CCNB1IP1: variants seen among roughly 807,000 people sequenced by gnomAD.
CCNB1IP1 encodes cyclin B1 interacting protein 1, also known as E3 ubiquitin-protein ligase CCNB1IP1.
Under a neutral mutation model 25.6 loss-of-function variants are expected in CCNB1IP1, and 14 were observed. The observed-to-expected ratio is 0.55, with a 90% CI of 0.36 to 0.85. The LOEUF is 0.85. Among genes scored for constraint, CCNB1IP1 ranks in the 40% least tolerant of loss-of-function variants. CCNB1IP1 has a pLI of 0.01. For synonymous variants in CCNB1IP1, 119 were observed against 116.1 expected (o/e 1.02, Z -0.16); for missense variants, 278 against 342.4 (o/e 0.81, Z 1.48).
At chr14:20,320,840 C>T (rs1322493097) in intron 4 of CCNB1IP1, among the ~76,000 whole-genome samples, 1 of 146,526 alleles carries the variant, frequency 6.8e-6, no homozygotes, top group East Asian at 2.0e-4. Flanking sequence ...ATATGAAATA[C>T]TTTCCATGAG....
In CCNB1IP1 at chr14:20,316,201, C is replaced by A. The variant is rs143875229; in HGVS notation, c.297+26G>T. On this transcript the variant is annotated intron_variant, in intron 5 of 6. Transcript: ENST00000358932. ...CCACAAATGCCATAAATCACATGCTCAAGAGAAACTAGACTAAGCACTAAC... is the reference window on the plus strand; with the variant it reads ...CCACAAATGCCATAAATCACATGCTAAAGAGAAACTAGACTAAGCACTAAC... The A allele has an allele frequency of 6.3e-6, 10 of 1,587,770 alleles. No homozygotes were observed. In the Admixed American group the frequency reaches 1.0e-4, roughly 16 times the overall value.
intron 4 of CCNB1IP1, among the ~76,000 whole-genome samples, chr14:20,320,641 A>T (rs943761918): frequency 3.3e-5 from 5 of 149,256 alleles, no homozygotes; most frequent in Non-Finnish European, 6.0e-5. Context: ...CCATCTCTAC[A>T]AAAAAACACA....
chr14:20,324,063 T>C (rs1288043493), intron 4 of CCNB1IP1, among the ~76,000 whole-genome samples: 1 of 152,090 alleles, frequency 6.6e-6, no homozygotes, highest in African/African-American at 2.4e-5. Context: ...CCAACAATTA[T>C]ATAAAGATAC....
At chr14:20,332,399 C>CG (rs2138883529) in intron 1 of CCNB1IP1, among the ~76,000 whole-genome samples, 1 of 151,962 alleles carries the variant, frequency 6.6e-6, no homozygotes, top group Admixed American at 6.6e-5. Flanking sequence ...GGTCACTAAG[C>CG]AAACTTTTTA....
rs1199049697 is a variant in CCNB1IP1 at position 20,316,444 on chromosome 14, G to A, written c.80C>T (p.Ala27Val). The change falls in exon 5 of 7, where the codon GCC becomes GTC. Residue 27 changes from alanine to valine, a missense_variant. Ala to Val is a moderately conservative substitution (Grantham distance 64, BLOSUM62 0). Coordinates refer to ENST00000358932, the MANE Select transcript of CCNB1IP1 (RefSeq NM_021178.5). The part of the protein sequence containing the change: ...IKLSGYAWVT[A>V]CSHIFCDQHG... ...CTGATCACAGAAGATGTGAGAGCAG[G>A]CAGTGACCCATGCATAGCCAGAGAG... 6.2e-7 allele frequency: 1 copy of A among 1,613,936 alleles called. No homozygotes were observed. Among genetic ancestry groups the A allele is most frequent in the South Asian group, 1.1e-5 (1 of 91,072 alleles).
chr14:20,332,773 G>C (rs865814835), intron 1 of CCNB1IP1: 3 of 152,168 alleles, frequency 2.0e-5, no homozygotes, highest in South Asian at 4.1e-4. Context: ...CTGAGCGAAG[G>C]CCAGGAGAAA....
intron 4 of CCNB1IP1, among the ~76,000 whole-genome samples, chr14:20,317,098 G>C (rs1882725919): frequency 6.6e-6 from 1 of 151,972 alleles, no homozygotes; most frequent in African/African-American, 2.4e-5. Flanking sequence ...GACAGAGCAA[G>C]AATCTCTCTC....
chr14:20,311,380 TAA>T lies in CCNB1IP1; in HGVS notation c.*168_*169del, dbSNP rs1211412665. 1 of 498,652 alleles carries T rather than the reference TAA, an allele frequency of 2.0e-6. No individual in the cohort carries two copies. Among genetic ancestry groups the T allele is most frequent in the Non-Finnish European group, 3.6e-6 (1 of 279,364 alleles). 30.9% of individuals were successfully genotyped at this position (498,652 alleles called of 1,614,324 possible). A position where few individuals can be genotyped will look rare whatever the true frequency, so the allele number is the denominator to read the frequency against. ...CATAGAAACAGTCTGTAAAGTTAGC[TAA>T]ATTATCTTTATTTTTTTTTAGAAAC... On this transcript the variant is annotated 3_prime_UTR_variant, in exon 7 of 7. Transcript: ENST00000358932.
At position 20,325,566 on chromosome 14, in the gene CCNB1IP1, A is replaced by G. The variant is rs1196780593; in HGVS notation, c.-65T>C. On this transcript the variant is annotated 5_prime_UTR_variant, in exon 4 of 7. Coordinates refer to ENST00000358932, the MANE Select transcript of CCNB1IP1 (RefSeq NM_021178.5). The stretch of plus-strand genomic sequence containing the variant: ...TAAAAGAAAAACGCAGTACTCATCT[A>G]CAGTATATCCAGGATTTACAGCACC... 1.3e-5 allele frequency: 2 copies of G among 152,220 alleles called. No individual in the cohort carries two copies. Among genetic ancestry groups the G allele is most frequent in the Non-Finnish European group, 2.9e-5 (2 of 68,048 alleles). The allele number at this position is 152,220 out of a possible 1,614,324, so 9.4% of individuals were successfully genotyped here.
At chr14:20,325,005 G>A (rs1010958732) in intron 4 of CCNB1IP1, among the ~76,000 whole-genome samples, 3 of 151,960 alleles carry the variant, frequency 2.0e-5, no homozygotes, top group Non-Finnish European at 4.4e-5. Context: ...TAGAGATGGG[G>A]TTTTGCCATG....
chr14:20,322,824 T>C (rs2138861541), intron 4 of CCNB1IP1, among the ~76,000 whole-genome samples: 1 of 152,158 alleles, frequency 6.6e-6, no homozygotes, highest in East Asian at 1.9e-4. Context: ...GGTTTCACCA[T>C]GTTGGCCAGG....
At chr14:20,314,583 T>A (rs1882614219) in intron 5 of CCNB1IP1, 1 of 152,108 alleles carries the variant, frequency 6.6e-6, no homozygotes. Context: ...AAAGGTATAA[T>A]CCGTGAAAGA....
At position 20,313,834 on chromosome 14, in the gene CCNB1IP1, T is replaced by C. The variant is rs1286234719; in HGVS notation, c.298-33A>G. On this transcript the variant is annotated intron_variant, in intron 5 of 6. Transcript: ENST00000358932. Reference sequence around the variant, plus strand: ...CAAAAGAAAAAAGATTTTTAAGGTATTGGGTACAAAGTTATATATTGTAAA... The same window carrying C: ...CAAAAGAAAAAAGATTTTTAAGGTACTGGGTACAAAGTTATATATTGTAAA... 7.5e-6 allele frequency: 11 copies of C among 1,464,140 alleles called. No individual in the cohort carries two copies. In the African/African-American group the frequency reaches 1.4e-4, roughly 19 times the overall value. The allele number at this position is 1,464,140 out of a possible 1,614,324, so 90.7% of individuals were successfully genotyped here.
rs148215706 is a variant in CCNB1IP1 at position 20,331,600 on chromosome 14, G to A, written c.-431+1654C>T. 3.1e-3 allele frequency among the ~76,000 whole-genome samples: 478 copies of A among 152,126 alleles called. 1 individual carries two copies. Among genetic ancestry groups the A allele is most frequent in the Non-Finnish European group, 6.0e-3 (408 of 67,982 alleles). On this transcript the variant is annotated intron_variant, in intron 1 of 6. Transcript: ENST00000358932. ...TATTCATTTGAGGGGGAAATATCAA[G>A]ATCATAAACTATCTGAATACCTACT...
intron 4 of CCNB1IP1, among the ~76,000 whole-genome samples, chr14:20,319,707 AACATTCTGT>A (rs1162625728): frequency 6.6e-6 from 1 of 152,236 alleles, no homozygotes; most frequent in Admixed American, 6.5e-5. Flanking sequence ...TACTGCAATG[AACATTCTGT>A]ACATGTCTCC....
rs776657720 is a variant in CCNB1IP1 at position 20,316,224 on chromosome 14, A to C, written c.297+3T>G. On this transcript the variant is annotated splice_donor_region_variant and intron_variant, in intron 5 of 6. Transcript: ENST00000358932. ...CTCAAGAGAAACTAGACTAAGCACT[A>C]ACCTGATATGTCCAGAAGGCCAGCG... 5 of 1,611,474 alleles carry C rather than the reference A, an allele frequency of 3.1e-6. No homozygotes were observed. In the African/African-American group the frequency reaches 5.3e-5, roughly 17 times the overall value.
chr14:20,333,053 T>G (rs1425866068), intron 1 of CCNB1IP1: 1 of 152,292 alleles, frequency 6.6e-6, no homozygotes. Context: ...GCAAACCCAG[T>G]ACTGCAGAGG....
chr14:20,313,444 C>T lies in CCNB1IP1; in HGVS notation c.631+24G>A, dbSNP rs770957212. 2.0e-5 allele frequency: 31 copies of T among 1,523,056 alleles called. No homozygotes were observed. The Admixed American group carries it at 2.5e-4, about 12-fold the overall frequency. The allele number at this position is 1,523,056 out of a possible 1,614,324, so 94.3% of individuals were successfully genotyped here. On this transcript the variant is annotated intron_variant, in intron 6 of 6. Coordinates refer to ENST00000358932, the MANE Select transcript of CCNB1IP1 (RefSeq NM_021178.5). The stretch of plus-strand genomic sequence containing the variant: ...AAAAATCATTGATTTAAAGAACAGA[C>T]ACTTGATACATGTCCTTTCTTACCT...
intron 5 of CCNB1IP1, chr14:20,314,748 G>A (rs1334957538): frequency 1.3e-5 from 2 of 151,930 alleles, no homozygotes; most frequent in African/African-American, 2.4e-5. Flanking sequence ...TCAACAGTAA[G>A]GATAAAAAGA....
Sources: allele counts gnomAD v4.1 joint callset (sites outside exome capture counted in the v4.1 genomes callset), GRCh38; gene constraint gnomAD v4.1.1; transcripts MANE v1.5; gene names NCBI Gene and HGNC (gene_info 2026-07-23, HGNC 2026-07-21).